The following HOMER2 variants were observed in gnomAD, a reference collection of about 807,000 sequenced individuals.
HOMER2 encodes the protein homer protein homolog 2.
Under a neutral mutation model 47.0 loss-of-function variants are expected in HOMER2, and 27 were observed. The observed-to-expected ratio is 0.57, with a 90% CI of 0.42 to 0.79. HOMER2 has a LOEUF of 0.79. HOMER2 is among the 30% of genes least tolerant of loss of function. The pLI is 0.00. For synonymous variants in HOMER2, 161 were observed against 163.8 expected (o/e 0.98, Z 0.13); for missense variants, 443 against 435.0 (o/e 1.02, Z -0.16).
chr15:82,977,807 T>G (rs1305248590), intron 1 of HOMER2, among the ~76,000 whole-genome samples: 1 of 152,110 alleles, frequency 6.6e-6, no homozygotes, highest in African/African-American at 2.4e-5. Context: ...TATATATGGT[T>G]GAATGTTGAC....
At chr15:82,857,536 T>C (rs2051629132) in intron 5 of HOMER2, among the ~76,000 whole-genome samples, 1 of 149,230 alleles carries the variant, frequency 6.7e-6, no homozygotes, top group South Asian at 2.2e-4. Context: ...GTTCAAGTAA[T>C]TCTCCTGCCT....
In HOMER2 at chr15:82,982,429, T is replaced by C. The variant is rs149957905; in HGVS notation, n.82+3358A>G. ...CATTGGTGGGCAGAAAAAAATTTCA[T>C]TTGAAAATTTGAAAATCTGCTGGAA... On this transcript the variant is annotated intron_variant and non_coding_transcript_variant, in intron 1 of 1. Transcript: ENST00000500334. Among the ~76,000 whole-genome samples, 27 of 152,316 alleles carry C rather than the reference T, an allele frequency of 1.8e-4. No individual in the cohort carries two copies. The East Asian group carries it at 5.2e-3, about 29-fold the overall frequency.
At chr15:82,851,723 T>C (rs1202444096) in intron 7 of HOMER2, among the ~76,000 whole-genome samples, 5 of 152,160 alleles carry the variant, frequency 3.3e-5, no homozygotes, top group African/African-American at 1.2e-4. Context: ...TTCAGCCCAG[T>C]TCAAGACCAG....
intron 2 of HOMER2, among the ~76,000 whole-genome samples, chr15:82,877,481 A>T (rs965632513): frequency 1.3e-5 from 2 of 152,176 alleles, no homozygotes; most frequent in Admixed American, 1.3e-4. Context: ...GATTTGGGAA[A>T]GGTTAAACTA....
At chr15:82,860,458 C>T in intron 4 of HOMER2, among the ~76,000 whole-genome samples, 1 of 151,946 alleles carries the variant, frequency 6.6e-6, no homozygotes, top group East Asian at 1.9e-4. Flanking sequence ...ACAGGAAGGT[C>T]CATTATACAA....
At chr15:82,859,546 G>A (rs1357497274) in intron 4 of HOMER2, among the ~76,000 whole-genome samples, 3 of 152,034 alleles carry the variant, frequency 2.0e-5, no homozygotes, top group Non-Finnish European at 4.4e-5. Flanking sequence ...AAGGGAGGAG[G>A]GACTCTTAGA....
At chr15:82,983,771 T>C (rs2030478643) in intron 1 of HOMER2, among the ~76,000 whole-genome samples, 1 of 151,044 alleles carries the variant, frequency 6.6e-6, no homozygotes, top group Non-Finnish European at 1.5e-5. Flanking sequence ...TTTGATTTTT[T>C]AGTAGAGACA....
intron 7 of HOMER2, among the ~76,000 whole-genome samples, chr15:82,851,835 T>C (rs1021569872): frequency 2.0e-5 from 3 of 152,222 alleles, no homozygotes; most frequent in Non-Finnish European, 4.4e-5. Context: ...CTAGCGGCAT[T>C]AATTTGGCAG....
upstream of HOMER2, chr15:82,952,763 C>G (rs2054537875): frequency 3.2e-6 from 3 of 930,640 alleles, no homozygotes; most frequent in South Asian, 9.8e-5. Flanking sequence ...CGGTGCCCGC[C>G]CCGCCCTCCC....
chr15:82,904,861 C>A (rs898666714), intron 1 of HOMER2, among the ~76,000 whole-genome samples: 10 of 152,072 alleles, frequency 6.6e-5, no homozygotes, highest in Non-Finnish European at 1.3e-4. Context: ...GTCTACCTTT[C>A]ACCAAAAAAT....
rs139962975 is a variant in HOMER2 at position 82,962,739 on chromosome 15, T to C, written n.83-3431A>G. 2.0e-4 allele frequency among the ~76,000 whole-genome samples: 31 copies of C among 152,224 alleles called. No individual in the cohort carries two copies. In the East Asian group the frequency reaches 4.8e-3, roughly 24 times the overall value. On this transcript the variant is annotated intron_variant and non_coding_transcript_variant, in intron 1 of 1. Coordinates refer to the HOMER2 transcript ENST00000500334. ...CACTTTTTGTTCCTAATTCTGAACA[T>C]AGTATATGCCTCATACTCTTGGCTA... is the stretch of plus-strand genomic sequence containing the variant.
exon 2 of HOMER2, chr15:82,842,574 A>T (rs949129005): frequency 6.7e-6 from 1 of 149,134 alleles, no homozygotes; most frequent in Non-Finnish European, 1.5e-5. Context: ...TTGGCCTCCC[A>T]AAGTGCTGGG....
chr15:82,910,835 C>T (rs1314745379), intron 1 of HOMER2, among the ~76,000 whole-genome samples: 4 of 152,126 alleles, frequency 2.6e-5, no homozygotes, highest in African/African-American at 4.8e-5. Flanking sequence ...AGCAACGTAA[C>T]AGTGCCTAGT....
chr15:82,953,593 G>A (rs1476253546), upstream of HOMER2, among the ~76,000 whole-genome samples: 1 of 152,206 alleles, frequency 6.6e-6, no homozygotes, highest in South Asian at 2.1e-4. Context: ...CAAGGGACAG[G>A]TCGGGCGCGG....
At chr15:82,914,226 C>CACACACAA (rs1555427444) in intron 1 of HOMER2, among the ~76,000 whole-genome samples, 2 of 133,312 alleles carry the variant, frequency 1.5e-5, no homozygotes, top group East Asian at 2.2e-4. Flanking sequence ...CACACACACA[C>CACACACAA]AATTAGCCAG....
At chr15:82,934,423 C>T (rs1448558672) in intron 1 of HOMER2, among the ~76,000 whole-genome samples, 1 of 152,142 alleles carries the variant, frequency 6.6e-6, no homozygotes, top group Non-Finnish European at 1.5e-5. Flanking sequence ...CCCTCACCCA[C>T]AGCCATACCC....
At chr15:82,984,041 T>TA (rs2030495375) in intron 1 of HOMER2, among the ~76,000 whole-genome samples, 3 of 151,332 alleles carry the variant, frequency 2.0e-5, no homozygotes, top group African/African-American at 7.3e-5. Flanking sequence ...TATTATTTTT[T>TA]TTTTTTTTTG....
intron 1 of HOMER2, among the ~76,000 whole-genome samples, chr15:82,901,092 G>A (rs559335176): frequency 1.3e-5 from 2 of 152,244 alleles, no homozygotes; most frequent in Admixed American, 6.5e-5. Flanking sequence ...CTCCTGAGAT[G>A]TGAGTTTGAC....
chr15:82,952,545 T>G lies in HOMER2; in HGVS notation c.-10A>C, dbSNP rs2054531101. 4 of 1,181,068 alleles carry G rather than the reference T, an allele frequency of 3.4e-6. No individual in the cohort carries two copies. The highest frequency in any genetic ancestry group is 4.2e-6 in the Non-Finnish European group (4 of 955,336). 73.2% of individuals were successfully genotyped at this position (1,181,068 alleles called of 1,614,324 possible). ...GGCTCACTCACCCCATCTCCGGCGCTGCTCCGGCGGCCGCTCCGACGGGGC... is the reference window on the plus strand; with the variant it reads ...GGCTCACTCACCCCATCTCCGGCGCGGCTCCGGCGGCCGCTCCGACGGGGC... On this transcript the variant is annotated 5_prime_UTR_variant, in exon 1 of 9. Transcript: ENST00000450735.
Sources: allele counts gnomAD v4.1 joint callset (sites outside exome capture counted in the v4.1 genomes callset), GRCh38; gene constraint gnomAD v4.1.1; transcripts MANE v1.5; gene names NCBI Gene and HGNC (gene_info 2026-07-23, HGNC 2026-07-21).